PAICS: variants seen among roughly 807,000 people sequenced by gnomAD.
The protein encoded by PAICS is phosphoribosylaminoimidazole carboxylase and phosphoribosylaminoimidazolesuccinocarboxamide synthase.
Under a neutral mutation model 53.7 loss-of-function variants are expected in PAICS, and 33 were observed. The observed-to-expected ratio is 0.61, with a 90% CI of 0.47 to 0.82. PAICS has a LOEUF of 0.82. PAICS is among the 40% of genes least tolerant of loss of function. PAICS has a pLI of 0.00. For missense variants in PAICS, 394 were observed against 494.1 expected (o/e 0.80, Z 1.92); for synonymous variants, 141 against 167.2 (o/e 0.84, Z 1.21).
the PAICS span, among the ~76,000 whole-genome samples, chr4:56,412,862 T>G: frequency 6.6e-6 from 1 of 152,198 alleles, no homozygotes; most frequent in Non-Finnish European, 1.5e-5. Context: ...ATACCACTAG[T>G]TGTTCTTTAC....
upstream of PAICS, chr4:56,435,282 G>T (rs1282145842): frequency 6.3e-7 from 1 of 1,599,210 alleles, no homozygotes; most frequent in African/African-American, 1.3e-5. Flanking sequence ...TCATGAGAAC[G>T]CCGACTGCGG....
At chr4:56,429,195 G>A in the PAICS span, among the ~76,000 whole-genome samples, 2 of 152,292 alleles carry the variant, frequency 1.3e-5, no homozygotes, top group Non-Finnish European at 2.9e-5. Flanking sequence ...TCCTGCAGGA[G>A]CTAGAGTTTA....
the PAICS span, among the ~76,000 whole-genome samples, chr4:56,424,787 T>A: frequency 6.6e-6 from 1 of 152,222 alleles, no homozygotes; most frequent in African/African-American, 2.4e-5. Flanking sequence ...AAAATTGACT[T>A]AATTCCGCTC....
the PAICS span, chr4:56,428,794 T>C: frequency 1.3e-5 from 2 of 156,378 alleles, no homozygotes; most frequent in Non-Finnish European, 2.8e-5. Context: ...CTAAACCTTG[T>C]ACCAAAATAT....
At chr4:56,433,305 C>T (rs1717700681), upstream of PAICS, among the ~76,000 whole-genome samples, 1 of 150,882 alleles carries the variant, frequency 6.6e-6, no homozygotes, top group Admixed American at 6.6e-5. Context: ...TCATTATTGC[C>T]CTTATCTGGT....
At chr4:56,443,803 G>A (rs192335998) in intron 2 of PAICS, among the ~76,000 whole-genome samples, 1 of 152,164 alleles carries the variant, frequency 6.6e-6, no homozygotes, top group African/African-American at 2.4e-5. Context: ...ATTCTGAAGA[G>A]TCCTGTGATC....
chr4:56,447,821 GA>G (rs536177155), intron 3 of PAICS, among the ~76,000 whole-genome samples: 1 of 150,942 alleles, frequency 6.6e-6, no homozygotes, highest in East Asian at 1.9e-4. Flanking sequence ...AGCTAACTAG[GA>G]AAAAAAAGAG....
chr4:56,441,156 TC>T (rs1247994638), intron 1 of PAICS, among the ~76,000 whole-genome samples: 9 of 152,204 alleles, frequency 5.9e-5, no homozygotes, highest in Non-Finnish European at 1.3e-4. Flanking sequence ...GGCTGAATGT[TC>T]CCATTTTGCC....
chr4:56,427,642 T>A, the PAICS span, among the ~76,000 whole-genome samples: 6 of 140,498 alleles, frequency 4.3e-5, no homozygotes, highest in African/African-American at 1.6e-4. Flanking sequence ...CCCTGTCTCT[T>A]AAAAAAAAAA....
rs748853744 is a variant in PAICS at position 56,451,859 on chromosome 4, A to AT, written c.772-7dup. The AT allele has an allele frequency of 2.0e-6, 3 of 1,519,980 alleles. No individual in the cohort carries two copies. The highest frequency in any genetic ancestry group is 2.6e-6 in the Non-Finnish European group (3 of 1,132,102). 94.2% of individuals were successfully genotyped at this position (1,519,980 alleles called of 1,614,324 possible). ...TTTTATGTTCTTTTCATATCCACGT[A>AT]TTTTTTCTTCAGTTGCTTTTGAAAT... is the stretch of plus-strand genomic sequence containing the variant. On this transcript the variant is annotated splice_polypyrimidine_tract_variant and intron_variant, in intron 6 of 8. Transcript: ENST00000512576.
intron 3 of PAICS, 111 bp downstream of exon 3, chr4:56,446,984 T>G: frequency 1.6e-6 from 1 of 610,156 alleles, no homozygotes; most frequent in Non-Finnish European, 2.5e-6. Flanking sequence ...ATTTTGATAT[T>G]GCAAATGTCA....
At chr4:56,415,915 CAA>C in the PAICS span, among the ~76,000 whole-genome samples, 1 of 151,874 alleles carries the variant, frequency 6.6e-6, no homozygotes, top group Admixed American at 6.6e-5. Context: ...ACTAAAAATC[CAA>C]AAATTAGCCG....
chr4:56,458,827 T>C (rs1017966369), intron 8 of PAICS, among the ~76,000 whole-genome samples: 4 of 152,226 alleles, frequency 2.6e-5, no homozygotes, highest in African/African-American at 9.6e-5. Flanking sequence ...ATGTTACTTT[T>C]TTATTCTGCT....
At chr4:56,454,742 G>A (rs1047392774) in intron 8 of PAICS, among the ~76,000 whole-genome samples, 3 of 151,666 alleles carry the variant, frequency 2.0e-5, no homozygotes, top group African/African-American at 7.3e-5. Context: ...AACTGATGGT[G>A]AGATCTGTAA....
At chr4:56,422,923 C>T in the PAICS span, 1 of 151,142 alleles carries the variant, frequency 6.6e-6, no homozygotes, top group South Asian at 2.1e-4. Context: ...GAATCAGAAA[C>T]TCTGGTGTTG....
chr4:56,436,063 G>A (rs1385336136), upstream of PAICS: 11 of 1,497,846 alleles, frequency 7.3e-6, no homozygotes, highest in Non-Finnish European at 8.0e-6. Flanking sequence ...GGGGCGGCCC[G>A]GAGGCGGGGT....
chr4:56,441,825 T>C lies in PAICS; in HGVS notation c.179T>C (p.Ile60Thr). The stretch of plus-strand genomic sequence containing the variant: ...GGAAAAGCTGCAATCTCAAATAAAA[T>C]CACCAGTTGTATTTTTCAGTTATTA... Reference protein sequence around the residue: ...LEGKAAISNKITSCIFQLLQE... With the variant: ...LEGKAAISNKTTSCIFQLLQE... Residue 60 changes from isoleucine to threonine, a missense_variant, in exon 2 of 9, where the codon ATC becomes ACC. By Grantham distance (89) the Ile-to-Thr change is moderately conservative (BLOSUM62 -1). Transcript: ENST00000512576. 1 of 1,598,284 alleles carries C rather than the reference T, an allele frequency of 6.3e-7. No homozygotes were observed.
chr4:56,459,001 T>A (rs981377032), intron 8 of PAICS, among the ~76,000 whole-genome samples: 1 of 152,214 alleles, frequency 6.6e-6, no homozygotes, highest in African/African-American at 2.4e-5. Flanking sequence ...TAAGAACAGG[T>A]ACTTTTGTAC....
chr4:56,449,498 C>T (rs763003016), intron 5 of PAICS, among the ~76,000 whole-genome samples: 10 of 152,058 alleles, frequency 6.6e-5, no homozygotes, highest in Non-Finnish European at 1.5e-4. Flanking sequence ...ACCATTTGAC[C>T]CAGCAATCCC....
Sources: gnomAD v4.1 joint callset for allele counts (sites outside exome capture counted in the v4.1 genomes callset) on GRCh38, gnomAD v4.1.1 for gene constraint, MANE v1.5 for transcripts, NCBI Gene and HGNC (gene_info 2026-07-23, HGNC 2026-07-21) for gene names.